NLN: variants seen among roughly 807,000 people sequenced by gnomAD.
The protein encoded by NLN is neurolysin.
Under a neutral mutation model 79.9 loss-of-function variants are expected in NLN, and 64 were observed. That is an observed-to-expected ratio of 0.80 (90% CI 0.65 to 0.99). The LOEUF (loss-of-function observed/expected upper bound fraction) is 0.99. Ranked by LOEUF, NLN falls within the 50% of genes least tolerant of loss-of-function variation. NLN has a pLI of 0.00. For missense variants in NLN, 835 were observed against 858.7 expected, an observed-to-expected ratio of 0.97 and a Z score of 0.34; for synonymous variants, 267 against 296.6, an observed-to-expected ratio of 0.90 and a Z score of 1.02.
chr5:65,763,885 A>G (rs1759395389), intron 3 of NLN, among the ~76,000 whole-genome samples: 1 of 152,186 alleles, frequency 6.6e-6, no homozygotes, highest in Admixed American at 6.5e-5. Flanking sequence ...TTCTCATATC[A>G]GACAAGCATT....
chr5:65,770,341 A>G lies in NLN; in HGVS notation c.451-7086A>G, dbSNP rs576301500. On this transcript the variant is annotated intron_variant, in intron 3 of 12. Transcript: ENST00000380985. ...CTACTACAATCAATAACAAAGAAAC[A>G]TCCCAGTAGAAAAATGGGCAAATGA... Among the ~76,000 whole-genome samples the G allele has an allele frequency of 4.9e-4, 74 of 152,354 alleles. 1 individual carries two copies. Among genetic ancestry groups the G allele is most frequent in the South Asian group, 3.9e-3 (19 of 4,832 alleles).
chr5:65,760,526 C>T (rs1346810782), intron 2 of NLN, among the ~76,000 whole-genome samples: 1 of 152,192 alleles, frequency 6.6e-6, no homozygotes, highest in East Asian at 1.9e-4. Context: ...ATAACTTAGG[C>T]ATTTGAGACA....
At chr5:65,821,913 G>C (rs1760809187) in intron 12 of NLN, among the ~76,000 whole-genome samples, 1 of 152,190 alleles carries the variant, frequency 6.6e-6, no homozygotes, top group African/African-American at 2.4e-5. Context: ...TTATACGACA[G>C]AGCTGGAAAT....
chr5:65,792,485 G>T lies in NLN; in HGVS notation c.1357G>T (p.Gly453Cys), dbSNP rs758153412. The T allele has an allele frequency of 6.2e-7, 1 of 1,613,880 alleles. No homozygotes were observed. The highest frequency in any genetic ancestry group is 1.3e-5 in the African/African-American group (1 of 74,888). The change falls in exon 9 of 13, where the codon GGT (glycine) becomes TGT (cysteine). Residue 453 changes from glycine to cysteine, a missense_variant. Gly to Cys is a radical substitution (Grantham distance 159). Coordinates refer to ENST00000380985, the MANE Select transcript of NLN (RefSeq NM_020726.5). ...AAAATACAATCATGCGGCCTGCTTC[G>T]GTCTCCAGCCTGGCTGCCTTCTGCC... ...EGKYNHAACF[G>C]LQPGCLLPDG...
intron 9 of NLN, among the ~76,000 whole-genome samples, chr5:65,807,629 CAG>C (rs1400452978): frequency 6.6e-6 from 1 of 152,002 alleles, no homozygotes; most frequent in African/African-American, 2.4e-5. Flanking sequence ...TTAGTAGAGA[CAG>C]AGTTTCATCA....
chr5:65,786,614 C>T (rs1024114225), intron 7 of NLN, among the ~76,000 whole-genome samples: 2 of 152,160 alleles, frequency 1.3e-5, no homozygotes, highest in Non-Finnish European at 2.9e-5. Flanking sequence ...CCCAGCACTT[C>T]GGGAGGCCGA....
At chr5:65,801,365 C>A (rs1760282690) in intron 9 of NLN, among the ~76,000 whole-genome samples, 1 of 152,018 alleles carries the variant, frequency 6.6e-6, no homozygotes, top group South Asian at 2.1e-4. Flanking sequence ...GGTTCAGCAC[C>A]CATGCTGTTT....
At chr5:65,726,365 T>C (rs1758471619) in intron 1 of NLN, among the ~76,000 whole-genome samples, 1 of 152,214 alleles carries the variant, frequency 6.6e-6, no homozygotes, top group Non-Finnish European at 1.5e-5. Context: ...TTAGCCTGAG[T>C]GCATGGCAAT....
chr5:65,811,424 C>G (rs530649339), intron 11 of NLN, among the ~76,000 whole-genome samples: 1 of 152,076 alleles, frequency 6.6e-6, no homozygotes, highest in African/African-American at 2.4e-5. Context: ...CGCCTGTAAT[C>G]CAGCATTTTG....
chr5:65,764,330 C>T (rs1759404990), intron 3 of NLN, among the ~76,000 whole-genome samples: 1 of 152,090 alleles, frequency 6.6e-6, no homozygotes, highest in African/African-American at 2.4e-5. Flanking sequence ...TATTTGAGAC[C>T]AGCCTGGCCA....
chr5:65,730,305 G>A (rs1389788262), intron 1 of NLN, among the ~76,000 whole-genome samples: 1 of 152,206 alleles, frequency 6.6e-6, no homozygotes, highest in African/African-American at 2.4e-5. Context: ...CCAAGAAAGT[G>A]ATATTAATAC....
At chr5:65,785,645 A>G (rs1759902866) in intron 6 of NLN, 130 bp from the exon 7 acceptor site, 1 of 666,728 alleles carries the variant, frequency 1.5e-6, no homozygotes, top group Non-Finnish European at 2.3e-6. Flanking sequence ...AAATGGAACC[A>G]GAAATTTAAA....
rs1164674165 is a variant in NLN, at chr5:65,758,591, C to T, written c.66C>T (p.Leu22=). The part of the protein sequence containing the change: ...LRRVGGSRIL[L]RMTLGREVMS... Reference sequence around the variant, plus strand: ...GAGTTGGTGGTTCCAGGATTTTACTCAGAATGACGTTAGGAAGAGAAGTGA... The same window carrying T: ...GAGTTGGTGGTTCCAGGATTTTACTTAGAATGACGTTAGGAAGAGAAGTGA... The change falls in exon 2 of 13, where the codon CTC becomes CTT. Residue 22 remains leucine, a synonymous_variant. Coordinates refer to ENST00000380985, the MANE Select transcript of NLN (RefSeq NM_020726.5). 7 of 1,609,322 alleles carry T rather than the reference C, an allele frequency of 4.3e-6. No homozygotes were observed. The highest frequency in any genetic ancestry group is 6.0e-6 in the Non-Finnish European group (7 of 1,176,050).
chr5:65,743,223 TCAA>T (rs140581306), intron 1 of NLN, among the ~76,000 whole-genome samples: 3,216 of 152,294 alleles, frequency 0.021, 78 homozygotes, highest in South Asian at 0.06. Flanking sequence ...TTTAATTCCA[TCAA>T]CAAATATTTA....
intron 3 of NLN, among the ~76,000 whole-genome samples, chr5:65,767,685 C>A (rs1352375973): frequency 4.1e-4 from 62 of 152,214 alleles, no homozygotes; most frequent in Admixed American, 4.1e-3. Context: ...GGTCAGGCTG[C>A]AAATTTTTCA....
In NLN at chr5:65,827,432, A is replaced by G. The variant is rs963412454; in HGVS notation, c.*4517A>G. On this transcript the variant is annotated 3_prime_UTR_variant, in exon 13 of 13. Coordinates refer to ENST00000380985, the MANE Select transcript of NLN (RefSeq NM_020726.5). ...TGTACTCCTATGATAAAATGTCTCTAGCATTTGTCATGAGAGAAACTGGCT... is the reference window on the plus strand; with the variant it reads ...TGTACTCCTATGATAAAATGTCTCTGGCATTTGTCATGAGAGAAACTGGCT... The G allele has an allele frequency of 1.3e-5, 2 of 152,226 alleles. No individual in the cohort carries two copies. The highest frequency in any genetic ancestry group is 1.3e-4 in the Admixed American group (2 of 15,286). The allele number at this position is 152,226 out of a possible 1,614,324, so 9.4% of individuals were successfully genotyped here.
At chr5:65,763,137 A>AG in intron 3 of NLN, 29 bp downstream of exon 3, 1 of 1,583,530 alleles carries the variant, frequency 6.3e-7, no homozygotes, top group Non-Finnish European at 8.6e-7. Flanking sequence ...CCCTTTAAAG[A>AG]GGGAAAAACT....
intron 1 of NLN, among the ~76,000 whole-genome samples, chr5:65,754,017 T>C (rs1759161036): frequency 6.6e-6 from 1 of 152,206 alleles, no homozygotes; most frequent in Admixed American, 6.5e-5. Context: ...TGCCATTTCT[T>C]GTACTCTGAC....
Position 65,786,046 on chromosome 5 carries a change from G to A in NLN, c.958+136G>A, listed in dbSNP as rs140599983. The A allele has an allele frequency of 1.9e-4, 135 of 700,746 alleles. 2 individuals are homozygous for A. In the East Asian group the frequency reaches 3.6e-3, roughly 19 times the overall value. The allele number at this position is 700,746 out of a possible 1,614,324, so 43.4% of individuals were successfully genotyped here. A position where few individuals can be genotyped will look rare whatever the true frequency, so the allele number is the denominator to read the frequency against. ...GAGAAGTATATTGATCACCTATTAAGTGTTAGATAGTGTGCTTGGTTGTAG... is the reference window on the plus strand; with the variant it reads ...GAGAAGTATATTGATCACCTATTAAATGTTAGATAGTGTGCTTGGTTGTAG... On this transcript the variant is annotated intron_variant, in intron 7 of 12. Coordinates refer to ENST00000380985, the MANE Select transcript of NLN (RefSeq NM_020726.5).
Sources: gnomAD v4.1 joint callset for allele counts (sites outside exome capture counted in the v4.1 genomes callset) on GRCh38, gnomAD v4.1.1 for gene constraint, MANE v1.5 for transcripts, NCBI Gene and HGNC (gene_info 2026-07-23, HGNC 2026-07-21) for gene names.